Variants in NR2F1-AS1 observed in about 807,000 individuals in gnomAD.
The protein encoded by NR2F1-AS1 is NR2F1 antisense RNA 1.
chr5:93,558,168 T>G (rs1306799501), intron 2 of NR2F1-AS1, among the ~76,000 whole-genome samples: 2 of 152,206 alleles, frequency 1.3e-5, no homozygotes, highest in Non-Finnish European at 2.9e-5. Flanking sequence ...ATCTTGTCCA[T>G]GTTGATATTC....
chr5:93,478,998 G>A (rs547856328), intron 4 of NR2F1-AS1, among the ~76,000 whole-genome samples: 6 of 152,224 alleles, frequency 3.9e-5, no homozygotes, highest in Middle Eastern at 6.8e-3. Flanking sequence ...GAGTTGACAC[G>A]AACTGTCATA....
intron 4 of NR2F1-AS1, among the ~76,000 whole-genome samples, chr5:93,521,483 C>T (rs532721348): frequency 6.6e-6 from 1 of 152,194 alleles, no homozygotes; most frequent in Admixed American, 6.5e-5. Flanking sequence ...GTCTAATATC[C>T]AGCATCTATA....
chr5:93,421,680 G>T (rs143934392), intron 4 of NR2F1-AS1, among the ~76,000 whole-genome samples: 1 of 152,150 alleles, frequency 6.6e-6, no homozygotes, highest in Non-Finnish European at 1.5e-5. Context: ...AAGCTCCTCC[G>T]AGGAGGCCTT....
chr5:93,500,407 A>T (rs549815619), intron 4 of NR2F1-AS1, among the ~76,000 whole-genome samples: 2 of 152,036 alleles, frequency 1.3e-5, no homozygotes, highest in Non-Finnish European at 2.9e-5. Flanking sequence ...ATGACAGTAC[A>T]TCTGTTTACT....
chr5:93,566,937 C>T (rs1042788016), intron 1 of NR2F1-AS1, among the ~76,000 whole-genome samples: 1 of 151,834 alleles, frequency 6.6e-6, no homozygotes, highest in Non-Finnish European at 1.5e-5. Context: ...ACATTAAATG[C>T]TTAGAAGAAT....
intron 4 of NR2F1-AS1, among the ~76,000 whole-genome samples, chr5:93,516,021 T>C (rs1317636688): frequency 2.6e-5 from 4 of 151,828 alleles, no homozygotes; most frequent in East Asian, 1.9e-4. Flanking sequence ...TGGTCAAATA[T>C]TGGAGCAAAG....
intron 4 of NR2F1-AS1, among the ~76,000 whole-genome samples, chr5:93,489,629 T>C (rs976537826): frequency 6.6e-6 from 1 of 152,032 alleles, no homozygotes; most frequent in Non-Finnish European, 1.5e-5. Flanking sequence ...AAAGCCACAA[T>C]AGAAGTGAGA....
chr5:93,472,841 AG>A (rs1750397988), intron 4 of NR2F1-AS1, among the ~76,000 whole-genome samples: 1 of 151,934 alleles, frequency 6.6e-6, no homozygotes, highest in South Asian at 2.1e-4. Context: ...AAAGCATTCC[AG>A]TGATATCTAA....
intron 4 of NR2F1-AS1, among the ~76,000 whole-genome samples, chr5:93,553,074 A>G (rs1490009596): frequency 6.6e-6 from 1 of 150,878 alleles, no homozygotes; most frequent in East Asian, 1.9e-4. Flanking sequence ...TAAATAACCT[A>G]TTTGAAAATG....
intron 4 of NR2F1-AS1, among the ~76,000 whole-genome samples, chr5:93,435,577 C>T (rs1749415999): frequency 6.6e-6 from 1 of 152,194 alleles, no homozygotes; most frequent in African/African-American, 2.4e-5. Flanking sequence ...GGTCACCACA[C>T]TGTTCCTGCA....
chr5:93,481,904 A>ATATGGATGAG (rs1750607505), intron 4 of NR2F1-AS1, among the ~76,000 whole-genome samples: 1 of 152,154 alleles, frequency 6.6e-6, no homozygotes, highest in Admixed American at 6.5e-5. Context: ...GGAGGCAGCA[A>ATATGGATGAG]AAGCAGTATC....
chr5:93,481,997 A>C (rs1750610036), intron 4 of NR2F1-AS1, among the ~76,000 whole-genome samples: 1 of 152,120 alleles, frequency 6.6e-6, no homozygotes, highest in Non-Finnish European at 1.5e-5. Flanking sequence ...TTAAGAAACT[A>C]GAAAAATAAG....
chr5:93,422,736 C>T (rs1749114094), intron 4 of NR2F1-AS1, among the ~76,000 whole-genome samples: 1 of 152,176 alleles, frequency 6.6e-6, no homozygotes, highest in South Asian at 2.1e-4. Flanking sequence ...AAACACAGCA[C>T]CACATTTACA....
chr5:93,446,265 C>G (rs1749704133), intron 4 of NR2F1-AS1, among the ~76,000 whole-genome samples: 1 of 152,190 alleles, frequency 6.6e-6, no homozygotes, highest in Non-Finnish European at 1.5e-5. Context: ...CAAATTGTCC[C>G]TGTTTGCAGA....
At chr5:93,492,781 A>G (rs1750879094) in intron 4 of NR2F1-AS1, among the ~76,000 whole-genome samples, 2 of 152,112 alleles carry the variant, frequency 1.3e-5, no homozygotes, top group Non-Finnish European at 2.9e-5. Flanking sequence ...ATGGAGTAAC[A>G]TATTACATGA....
intron 4 of NR2F1-AS1, among the ~76,000 whole-genome samples, chr5:93,517,939 G>C (rs993683): frequency 6.6e-6 from 1 of 151,886 alleles, no homozygotes; most frequent in Non-Finnish European, 1.5e-5. Flanking sequence ...GGAAAAATAA[G>C]ATTAAAAAAA....
At chr5:93,480,811 T>C (rs1043452382) in intron 4 of NR2F1-AS1, among the ~76,000 whole-genome samples, 11 of 152,060 alleles carry the variant, frequency 7.2e-5, no homozygotes, top group African/African-American at 2.4e-4. Flanking sequence ...TAGATTGCTA[T>C]AAATTTAGAA....
chr5:93,475,024 T>G (rs1165756781), intron 4 of NR2F1-AS1, among the ~76,000 whole-genome samples: 4 of 150,554 alleles, frequency 2.7e-5, no homozygotes, highest in African/African-American at 9.8e-5. Flanking sequence ...CTGGGGAGGC[T>G]GAGGCAGGAG....
intron 4 of NR2F1-AS1, among the ~76,000 whole-genome samples, chr5:93,444,874 C>T (rs1749660645): frequency 6.6e-6 from 1 of 152,160 alleles, no homozygotes; most frequent in Admixed American, 6.5e-5. Flanking sequence ...TGCAATCAAA[C>T]TGGAATTGAG....
Sources: allele counts gnomAD v4.1 joint callset (sites outside exome capture counted in the v4.1 genomes callset), GRCh38; gene constraint gnomAD v4.1.1; transcripts MANE v1.5; gene names NCBI Gene and HGNC (gene_info 2026-07-23, HGNC 2026-07-21).